Variants in RHOBTB1 observed in about 807,000 individuals in gnomAD.
The protein encoded by RHOBTB1 is Rho related BTB domain containing 1, also known as rho-related BTB domain-containing protein 1.
A neutral mutation model predicts 71.6 loss-of-function variants in RHOBTB1; 40 were observed. The ratio of observed to expected loss-of-function variants is 0.56; its 90% CI spans 0.43 to 0.73. RHOBTB1 has a LOEUF of 0.73. RHOBTB1 is among the 30% of genes least tolerant of loss of function. RHOBTB1 has a pLI of 0.00. For missense variants in RHOBTB1, 797 were observed against 894.0 expected, an observed-to-expected ratio of 0.89 and a Z score of 1.38; for synonymous variants, 319 against 334.9, an observed-to-expected ratio of 0.95 and a Z score of 0.52.
chr10:60,977,990 A>G (rs960460138), intron 2 of RHOBTB1, among the ~76,000 whole-genome samples: 39 of 152,158 alleles, frequency 2.6e-4, no homozygotes, highest in Non-Finnish European at 2.5e-4. Context: ...TGCCTCATCT[A>G]TAAAATGGGA....
chr10:60,983,285 A>G (rs1405096133), intron 2 of RHOBTB1, among the ~76,000 whole-genome samples: 1 of 152,174 alleles, frequency 6.6e-6, no homozygotes, highest in African/African-American at 2.4e-5. Context: ...TTAGGAGACT[A>G]TTGGTATTAC....
chr10:60,890,020 G>A (rs950995106), intron 5 of RHOBTB1, among the ~76,000 whole-genome samples: 2 of 152,130 alleles, frequency 1.3e-5, no homozygotes, highest in African/African-American at 4.8e-5. Context: ...ATAGCCCTGT[G>A]AGGTATTATT....
At chr10:60,960,421 C>T (rs567819523) in intron 2 of RHOBTB1, among the ~76,000 whole-genome samples, 3 of 152,274 alleles carry the variant, frequency 2.0e-5, no homozygotes, top group African/African-American at 7.2e-5. Flanking sequence ...TGTAAATAAA[C>T]TACTCACACA....
intron 2 of RHOBTB1, among the ~76,000 whole-genome samples, chr10:60,919,083 C>T (rs1261865840): frequency 2.0e-5 from 3 of 152,158 alleles, no homozygotes; most frequent in Non-Finnish European, 4.4e-5. Context: ...GGTGAGCAGT[C>T]TGCTTAAAGA....
chr10:60,902,815 G>A (rs760575712), intron 4 of RHOBTB1, among the ~76,000 whole-genome samples: 23 of 152,174 alleles, frequency 1.5e-4, no homozygotes, highest in Non-Finnish European at 3.2e-4. Context: ...TTTGTTATAA[G>A]ACTATTTCCT....
At position 60,967,083 on chromosome 10, in the gene RHOBTB1, G is replaced by A. The variant is rs904741955; in HGVS notation, c.-62+18762C>T. Among the ~76,000 whole-genome samples the A allele has an allele frequency of 9.2e-5, 14 of 151,998 alleles. No homozygotes were observed. The South Asian group carries it at 1.0e-3, about 11-fold the overall frequency. ...GGGAGCGATGCAGTATGGTTGTTTC[G>A]GACACCGCAGTCAGGGTTTGAGGAG... On this transcript the variant is annotated intron_variant, in intron 2 of 11. Transcript: ENST00000357917.
intron 4 of RHOBTB1, among the ~76,000 whole-genome samples, chr10:60,897,714 AT>A (rs544735541): frequency 7.8e-4 from 117 of 150,168 alleles, no homozygotes; most frequent in Middle Eastern, 6.9e-3. Context: ...TATACATATA[AT>A]TTTTTTTTTG....
At chr10:60,996,606 T>A (rs188503876) in intron 1 of RHOBTB1, among the ~76,000 whole-genome samples, 1 of 152,276 alleles carries the variant, frequency 6.6e-6, no homozygotes, top group Non-Finnish European at 1.5e-5. Context: ...GCTGTTGGAA[T>A]GTGCCATGGG....
At chr10:60,933,531 C>A (rs2084380761) in intron 2 of RHOBTB1, among the ~76,000 whole-genome samples, 1 of 151,822 alleles carries the variant, frequency 6.6e-6, no homozygotes, top group African/African-American at 2.4e-5. Flanking sequence ...ACCAGCCTGG[C>A]CAACATAGTG....
chr10:60,947,882 A>G (rs1005193340), upstream of RHOBTB1, among the ~76,000 whole-genome samples: 1 of 152,210 alleles, frequency 6.6e-6, no homozygotes, highest in Admixed American at 6.5e-5. Flanking sequence ...ATGCTAAATA[A>G]AAAACTGCTA....
At chr10:60,901,039 AG>A (rs2082391949) in intron 4 of RHOBTB1, among the ~76,000 whole-genome samples, 1 of 152,262 alleles carries the variant, frequency 6.6e-6, no homozygotes, top group East Asian at 1.9e-4. Context: ...GATTAATTCC[AG>A]GTAAGTTACA....
intron 2 of RHOBTB1, among the ~76,000 whole-genome samples, chr10:60,950,804 G>C (rs994996911): frequency 6.6e-6 from 1 of 152,292 alleles, no homozygotes; most frequent in South Asian, 2.1e-4. Flanking sequence ...GAGTGCCAAA[G>C]ATTAATAATA....
chr10:60,869,143 C>T (rs2080665618), downstream of RHOBTB1, among the ~76,000 whole-genome samples: 1 of 152,242 alleles, frequency 6.6e-6, no homozygotes, highest in African/African-American at 2.4e-5. Flanking sequence ...ATACTAAGTC[C>T]TGTAGGATAG....
chr10:60,864,178 C>A, the RHOBTB1 span, among the ~76,000 whole-genome samples: 3 of 152,272 alleles, frequency 2.0e-5, no homozygotes, highest in East Asian at 5.8e-4. Flanking sequence ...AAGGGCATTT[C>A]TTAAGTGAAC....
At chr10:60,885,231 AC>A (rs1410672160) in intron 7 of RHOBTB1, among the ~76,000 whole-genome samples, 1 of 152,214 alleles carries the variant, frequency 6.6e-6, no homozygotes, top group African/African-American at 2.4e-5. Context: ...AGGCTAATTA[AC>A]CCGATTTGAT....
chr10:60,944,021 A>G lies in RHOBTB1; in HGVS notation c.-112T>C, dbSNP rs1327092598. On this transcript the variant is annotated 5_prime_UTR_variant, in exon 1 of 11. Transcript: ENST00000337910. ...CTCTCCGCCTTCAAGGGCCGGGGGG[A>G]GCGGGGGGGCCCCCGCCACTCAGCA... The G allele has an allele frequency of 2.8e-5, 4 of 144,526 alleles. No homozygotes were observed. The highest frequency in any genetic ancestry group is 4.6e-5 in the Non-Finnish European group (3 of 65,404). The allele number at this position is 144,526 out of a possible 1,614,324, so 9.0% of individuals were successfully genotyped here.
At chr10:60,865,784 A>G (rs2080633444), downstream of RHOBTB1, among the ~76,000 whole-genome samples, 2 of 152,186 alleles carry the variant, frequency 1.3e-5, no homozygotes, top group South Asian at 4.1e-4. Flanking sequence ...ACACATGCCT[A>G]TCACCTTGGG....
At chr10:60,995,751 T>C (rs545822785) in intron 1 of RHOBTB1, among the ~76,000 whole-genome samples, 46 of 152,326 alleles carry the variant, frequency 3.0e-4, no homozygotes, top group African/African-American at 8.2e-4. Context: ...TATTGTTTTT[T>C]GTTAATGCAA....
intron 2 of RHOBTB1, among the ~76,000 whole-genome samples, chr10:60,973,407 T>C (rs766487457): frequency 4.6e-5 from 7 of 152,132 alleles, no homozygotes; most frequent in Non-Finnish European, 4.4e-5. Context: ...TTCTTTAAAA[T>C]TTTTAGCATA....
Sources: gnomAD v4.1 joint callset for allele counts (sites outside exome capture counted in the v4.1 genomes callset) on GRCh38, gnomAD v4.1.1 for gene constraint, MANE v1.5 for transcripts, NCBI Gene and HGNC (gene_info 2026-07-23, HGNC 2026-07-21) for gene names.